ENTREP2: variants seen among roughly 807,000 people sequenced by gnomAD.
The protein encoded by ENTREP2 is endosomal transmembrane epsin interactor 2.
the ENTREP2 span, among the ~76,000 whole-genome samples, chr15:29,498,030 G>A: frequency 6.6e-6 from 1 of 152,148 alleles, no homozygotes; most frequent in Admixed American, 6.5e-5. Flanking sequence ...GAGGGAACTG[G>A]TGGGAAGTGA....
At chr15:29,629,739 T>G in the ENTREP2 span, among the ~76,000 whole-genome samples, 1 of 152,168 alleles carries the variant, frequency 6.6e-6, no homozygotes, top group Non-Finnish European at 1.5e-5. Context: ...TTCTATTGTT[T>G]TTTTCTTTCA....
chr15:29,620,321 CG>C, the ENTREP2 span, among the ~76,000 whole-genome samples: 6 of 152,014 alleles, frequency 3.9e-5, no homozygotes, highest in East Asian at 9.7e-4. Context: ...TGGGAGAAAC[CG>C]GGGGGAAGTG....
At chr15:29,196,748 C>A in the ENTREP2 span, 1 of 529,592 alleles carries the variant, frequency 1.9e-6, no homozygotes, top group Non-Finnish European at 3.2e-6. Flanking sequence ...ACTTCAAATT[C>A]CTATCTTAAC....
the ENTREP2 span, among the ~76,000 whole-genome samples, chr15:29,627,067 C>G: frequency 1.3e-5 from 2 of 151,978 alleles, no homozygotes; most frequent in African/African-American, 4.8e-5. Flanking sequence ...ACCTTAGGAT[C>G]TTTCTTCTTT....
At chr15:29,577,912 T>C in the ENTREP2 span, among the ~76,000 whole-genome samples, 5 of 152,112 alleles carry the variant, frequency 3.3e-5, no homozygotes, top group African/African-American at 1.2e-4. Context: ...AGGGTGGTAG[T>C]TGCTAGGGGC....
At chr15:29,400,663 T>C in the ENTREP2 span, among the ~76,000 whole-genome samples, 37 of 152,278 alleles carry the variant, frequency 2.4e-4, no homozygotes, top group African/African-American at 8.9e-4. Context: ...TAAAAGAATC[T>C]TGAAGTAAGC....
chr15:29,245,774 T>A, the ENTREP2 span, among the ~76,000 whole-genome samples: 1 of 152,152 alleles, frequency 6.6e-6, no homozygotes, highest in Non-Finnish European at 1.5e-5. Flanking sequence ...GAAAATTACA[T>A]AATAAAATTG....
At chr15:29,165,584 G>A in the ENTREP2 span, among the ~76,000 whole-genome samples, 2 of 152,154 alleles carry the variant, frequency 1.3e-5, no homozygotes, top group Admixed American at 6.6e-5. Flanking sequence ...ACCTAGAAGA[G>A]TTGGATAAAT....
chr15:29,514,539 G>A, the ENTREP2 span, among the ~76,000 whole-genome samples: 15 of 152,146 alleles, frequency 9.9e-5, no homozygotes, highest in Admixed American at 2.0e-4. Flanking sequence ...ACATCTGTTC[G>A]ATTCCCTGCT....
At chr15:29,417,256 CAAT>C in the ENTREP2 span, among the ~76,000 whole-genome samples, 4 of 152,162 alleles carry the variant, frequency 2.6e-5, no homozygotes, top group African/African-American at 9.7e-5. Context: ...AAATATCCAA[CAAT>C]GATAGACTGG....
chr15:29,370,368 G>C, the ENTREP2 span, among the ~76,000 whole-genome samples: 2 of 152,010 alleles, frequency 1.3e-5, no homozygotes, highest in Non-Finnish European at 2.9e-5. Context: ...ATTGTTACTA[G>C]AAACAAATAA....
chr15:29,225,328 C>T, the ENTREP2 span, among the ~76,000 whole-genome samples: 7 of 152,218 alleles, frequency 4.6e-5, no homozygotes, highest in African/African-American at 9.7e-5. Flanking sequence ...GGAGAAGTCC[C>T]GCCCAAGAGA....
chr15:29,263,522 G>A, the ENTREP2 span, among the ~76,000 whole-genome samples: 4 of 152,222 alleles, frequency 2.6e-5, no homozygotes, highest in African/African-American at 9.6e-5. Flanking sequence ...CATGTGGATG[G>A]TGTGGCAGAG....
At chr15:29,366,199 G>A in the ENTREP2 span, among the ~76,000 whole-genome samples, 1 of 152,026 alleles carries the variant, frequency 6.6e-6, no homozygotes, top group African/African-American at 2.4e-5. Context: ...TCAGCCTCCT[G>A]AGTAGCTGGG....
chr15:29,651,005 G>A, the ENTREP2 span, among the ~76,000 whole-genome samples: 1 of 152,200 alleles, frequency 6.6e-6, no homozygotes, highest in Non-Finnish European at 1.5e-5. Flanking sequence ...AACAGATAGA[G>A]ACCTCTGTCT....
the ENTREP2 span, among the ~76,000 whole-genome samples, chr15:29,630,043 G>T: frequency 8.5e-5 from 13 of 152,252 alleles, no homozygotes; most frequent in South Asian, 2.7e-3. Flanking sequence ...TTGAACCCAG[G>T]AGGCGGAGGG....
the ENTREP2 span, among the ~76,000 whole-genome samples, chr15:29,143,890 T>C: frequency 6.6e-6 from 1 of 152,060 alleles, no homozygotes; most frequent in African/African-American, 2.4e-5. Flanking sequence ...AAATTAAATC[T>C]AAAGGGGTCA....
At chr15:29,619,966 C>G in the ENTREP2 span, among the ~76,000 whole-genome samples, 2 of 152,116 alleles carry the variant, frequency 1.3e-5, no homozygotes, top group South Asian at 4.1e-4. Flanking sequence ...TTCCAGCTTT[C>G]CCGCATCTCA....
the ENTREP2 span, among the ~76,000 whole-genome samples, chr15:29,644,046 C>T: frequency 6.6e-6 from 1 of 152,034 alleles, no homozygotes; most frequent in Non-Finnish European, 1.5e-5. Flanking sequence ...CAAATGTCCA[C>T]CAACTGATGT....
Sources: gnomAD v4.1 joint callset for allele counts (sites outside exome capture counted in the v4.1 genomes callset) on GRCh38, gnomAD v4.1.1 for gene constraint, MANE v1.5 for transcripts, NCBI Gene and HGNC (gene_info 2026-07-23, HGNC 2026-07-21) for gene names.